CYRIA: variants seen among roughly 807,000 people sequenced by gnomAD.
The protein encoded by CYRIA is CYFIP related Rac1 interactor A, also known as CYFIP-related Rac1 interactor A.
Under a neutral mutation model 43.9 loss-of-function variants are expected in CYRIA, and 15 were observed. The ratio of observed to expected loss-of-function variants is 0.34; its 90% CI spans 0.23 to 0.53. The LOEUF is 0.53. Ranked by LOEUF, CYRIA falls within the 20% of genes least tolerant of loss-of-function variation. The pLI, the probability that CYRIA is intolerant of heterozygous loss-of-function variation, is 0.94. For synonymous variants in CYRIA, 117 were observed against 136.0 expected, an observed-to-expected ratio of 0.86 and a Z score of 0.97; for missense variants, 236 against 394.2, an observed-to-expected ratio of 0.60 and a Z score of 3.40.
intron 1 of CYRIA, among the ~76,000 whole-genome samples, chr2:16,628,166 C>CAAT (rs1669224572): frequency 6.6e-6 from 1 of 151,802 alleles, no homozygotes; most frequent in African/African-American, 2.4e-5. Flanking sequence ...AGAATAATAA[C>CAAT]AACAACAACA....
intron 1 of CYRIA, among the ~76,000 whole-genome samples, chr2:16,660,820 C>T (rs1175995805): frequency 6.6e-6 from 1 of 152,188 alleles, no homozygotes; most frequent in Non-Finnish European, 1.5e-5. Context: ...AATAGAAACA[C>T]ATCTGTCTGC....
At chr2:16,561,966 T>G in intron 6 of CYRIA, 39 bp downstream of exon 6, 1 of 1,591,732 alleles carries the variant, frequency 6.3e-7, no homozygotes, top group Admixed American at 1.7e-5. Flanking sequence ...AGGTACTCAG[T>G]ACAAGTTTAT....
At chr2:16,649,068 GA>G (rs1055857093) in intron 1 of CYRIA, among the ~76,000 whole-genome samples, 6 of 146,574 alleles carry the variant, frequency 4.1e-5, no homozygotes, top group African/African-American at 1.0e-4. Flanking sequence ...AAAATACTCA[GA>G]AAAAAAAATA....
chr2:16,593,348 T>C (rs1667994027), intron 2 of CYRIA, among the ~76,000 whole-genome samples: 1 of 152,208 alleles, frequency 6.6e-6, no homozygotes, highest in African/African-American at 2.4e-5. Context: ...GAGACTTTTC[T>C]ACATGCAAGT....
intron 1 of CYRIA, among the ~76,000 whole-genome samples, chr2:16,635,717 A>G (rs1669477148): frequency 6.6e-6 from 1 of 152,192 alleles, no homozygotes; most frequent in African/African-American, 2.4e-5. Context: ...CTAGCCTGGC[A>G]TCCAGAGCCG....
intron 1 of CYRIA, among the ~76,000 whole-genome samples, chr2:16,637,312 G>C (rs571131124): frequency 1.3e-5 from 2 of 152,308 alleles, no homozygotes; most frequent in African/African-American, 4.8e-5. Context: ...CCAATGTAAT[G>C]GTATTTGGAG....
chr2:16,550,903 C>G lies in CYRIA; in HGVS notation c.*2033G>C, dbSNP rs1266268156. 1 of 152,088 alleles carries G rather than the reference C, an allele frequency of 6.6e-6. No homozygotes were observed. The highest frequency in any genetic ancestry group is 2.1e-4 in the South Asian group (1 of 4,820). The allele number at this position is 152,088 out of a possible 1,614,324, so 9.4% of individuals were successfully genotyped here. ...GTTGCTCAAGTGTAACATGTGACTGCCAAATAGGATATCTCTTAAGATGAA... is the reference window on the plus strand; with the variant it reads ...GTTGCTCAAGTGTAACATGTGACTGGCAAATAGGATATCTCTTAAGATGAA... On this transcript the variant is annotated 3_prime_UTR_variant, in exon 12 of 12. Coordinates refer to ENST00000381323, the MANE Select transcript of CYRIA (RefSeq NM_030797.4).
intron 2 of CYRIA, among the ~76,000 whole-genome samples, chr2:16,611,770 C>T (rs1232439875): frequency 2.2e-5 from 2 of 90,744 alleles, no homozygotes; most frequent in East Asian, 3.2e-4. Flanking sequence ...GGCGGAGGGG[C>T]GGAGGTGGGG....
At chr2:16,564,467 G>A (rs942958997) in intron 4 of CYRIA, among the ~76,000 whole-genome samples, 3 of 152,104 alleles carry the variant, frequency 2.0e-5, no homozygotes, top group African/African-American at 7.2e-5. Flanking sequence ...TCTTTAATAG[G>A]TATTGCATTC....
At chr2:16,656,778 C>T (rs1670124817) in intron 1 of CYRIA, among the ~76,000 whole-genome samples, 1 of 152,228 alleles carries the variant, frequency 6.6e-6, no homozygotes, top group Non-Finnish European at 1.5e-5. Flanking sequence ...GCTGGAATGG[C>T]CGTTGCCATT....
chr2:16,598,295 G>T (rs1668082326), intron 2 of CYRIA, among the ~76,000 whole-genome samples: 1 of 81,352 alleles, frequency 1.2e-5, no homozygotes, highest in Admixed American at 1.4e-4. Flanking sequence ...CTAGATTGGG[G>T]AAGTTCTCCT....
intron 3 of CYRIA, among the ~76,000 whole-genome samples, chr2:16,582,705 A>G (rs1667590392): frequency 6.6e-6 from 1 of 152,190 alleles, no homozygotes; most frequent in African/African-American, 2.4e-5. Context: ...CATTTTTTTA[A>G]TTGATCAATA....
chr2:16,568,962 A>C lies in CYRIA; in HGVS notation c.71-3195T>G, dbSNP rs1256700275. On this transcript the variant is annotated intron_variant, in intron 3 of 11. Transcript: ENST00000381323. Reference sequence around the variant, plus strand: ...AAATCCTGTTGATGATTACTTAAACAGAAAAAAAGAAAGATTTCAAGTCAG... The same window carrying C: ...AAATCCTGTTGATGATTACTTAAACCGAAAAAAAGAAAGATTTCAAGTCAG... Among the ~76,000 whole-genome samples, 81 of 152,198 alleles carry C rather than the reference A, an allele frequency of 5.3e-4. 1 individual carries two copies. Among genetic ancestry groups the C allele is most frequent in the Admixed American group, 5.2e-3 (79 of 15,278 alleles).
At chr2:16,607,426 C>T (rs1319061802) in intron 2 of CYRIA, among the ~76,000 whole-genome samples, 1 of 152,176 alleles carries the variant, frequency 6.6e-6, no homozygotes, top group African/African-American at 2.4e-5. Context: ...GCTAAGCTGG[C>T]TGTCAAATAA....
At chr2:16,615,582 C>T (rs535597353) in intron 2 of CYRIA, among the ~76,000 whole-genome samples, 1 of 152,344 alleles carries the variant, frequency 6.6e-6, no homozygotes, top group Admixed American at 6.5e-5. Context: ...TGCCTCCACT[C>T]TCCCAGCCTG....
intron 2 of CYRIA, among the ~76,000 whole-genome samples, chr2:16,612,461 A>G (rs1406782122): frequency 6.6e-6 from 1 of 152,220 alleles, no homozygotes; most frequent in Non-Finnish European, 1.5e-5. Context: ...AGATATAGCT[A>G]AAGATCTCAT....
chr2:16,564,076 C>G lies in CYRIA; in HGVS notation c.211G>C (p.Asp71His). ...CAAGCTTTTTCTTGAAGCTGAATGTCATTGGGATTTTGAATTGCCTGCAAA... is the reference window on the plus strand; with the variant it reads ...CAAGCTTTTTCTTGAAGCTGAATGTGATTGGGATTTTGAATTGCCTGCAAA... The part of the protein sequence containing the change: ...EIRDAIQNPN[D>H]IQLQEKAWNA... The change falls in exon 5 of 12, where the codon GAC (aspartate) becomes CAC (histidine). Residue 71 changes from aspartate to histidine, a missense_variant. Physicochemically the swap from Asp to His is moderately conservative, Grantham distance 81. Transcript: ENST00000381323. The G allele has an allele frequency of 6.2e-7, 1 of 1,613,456 alleles. No individual in the cohort carries two copies. Among genetic ancestry groups the G allele is most frequent in the Non-Finnish European group, 8.5e-7 (1 of 1,179,646 alleles).
At chr2:16,629,520 C>T (rs565572606) in intron 1 of CYRIA, among the ~76,000 whole-genome samples, 3 of 152,220 alleles carry the variant, frequency 2.0e-5, no homozygotes, top group South Asian at 2.1e-4. Flanking sequence ...CTGAAGAGAC[C>T]GTTTCTGGCG....
intron 2 of CYRIA, 88 bp from the exon 3 acceptor site, chr2:16,588,217 T>A: frequency 1.3e-6 from 1 of 768,062 alleles, no homozygotes; most frequent in Non-Finnish European, 2.1e-6. Flanking sequence ...CATAGCTACC[T>A]TTGAAGACCA....
Sources: allele counts gnomAD v4.1 joint callset (sites outside exome capture counted in the v4.1 genomes callset), GRCh38; gene constraint gnomAD v4.1.1; transcripts MANE v1.5; gene names NCBI Gene and HGNC (gene_info 2026-07-23, HGNC 2026-07-21).